CFAP73: variants seen among roughly 807,000 people sequenced by gnomAD.
The protein encoded by CFAP73 is cilia and flagella associated protein 73, also known as cilia- and flagella-associated protein 73.
In CFAP73, 33 loss-of-function variants were observed where a neutral mutation model predicts 42.9. The observed-to-expected ratio is 0.77, with a 90% confidence interval of 0.58 to 1.03. The LOEUF is 1.03. Among genes scored for constraint, CFAP73 ranks in the 50% least tolerant of loss-of-function variants. The pLI is 0.00. For synonymous variants in CFAP73, 162 were observed against 186.8 expected, an observed-to-expected ratio of 0.87 and a Z score of 1.08; for missense variants, 392 against 411.9, an observed-to-expected ratio of 0.95 and a Z score of 0.42.
chr12:113,156,251 G>A (rs1952124550), intron 6 of CFAP73, among the ~76,000 whole-genome samples: 1 of 151,992 alleles, frequency 6.6e-6, no homozygotes, highest in Admixed American at 6.6e-5. Flanking sequence ...GAAGATTTCA[G>A]ACTTCAAACA....
Position 113,158,982 on chromosome 12 carries a change from G to T in CFAP73, c.*293G>T, listed in dbSNP as rs1278041673. ...GGCGGTTGCGGGCAGAGAGCTGCTTGAGGCCACCACGCTGCAGGAAGTGCA... is the reference window on the plus strand; with the variant it reads ...GGCGGTTGCGGGCAGAGAGCTGCTTTAGGCCACCACGCTGCAGGAAGTGCA... On this transcript the variant is annotated 3_prime_UTR_variant, in exon 8 of 8. Transcript: ENST00000335621. The surrounding 1 kb of genome is among the most constrained non-coding windows in gnomAD (Gnocchi z 4.9). 6.2e-7 allele frequency: 1 copy of T among 1,611,262 alleles called. No individual in the cohort carries two copies. The highest frequency in any genetic ancestry group is 1.3e-5 in the African/African-American group (1 of 74,912).
At chr12:113,156,626 C>T (rs1262477726) in intron 6 of CFAP73, 1 of 152,088 alleles carries the variant, frequency 6.6e-6, no homozygotes, top group African/African-American at 2.4e-5. Flanking sequence ...GATCTGGGTC[C>T]TGGGAATCCG....
rs767334221 is a variant in CFAP73 at position 113,158,911 on chromosome 12, C to A, written c.*222C>A. 1.9e-6 allele frequency: 3 copies of A among 1,607,144 alleles called. No individual in the cohort carries two copies. The highest frequency in any genetic ancestry group is 1.7e-5 in the Admixed American group (1 of 59,704). On this transcript the variant is annotated 3_prime_UTR_variant, in exon 8 of 8. Coordinates refer to ENST00000335621, the MANE Select transcript of CFAP73 (RefSeq NM_001144872.3). This position sits in a 1 kb window ranked among gnomAD's most constrained non-coding sequence, Gnocchi z 4.9. ...CTTCCGCATCTTGCCCTTCTTGGAG[C>A]GGGCACCCCGGCCGAAGGCGCCCTG...
Position 113,159,232 on chromosome 12 carries a change from G to C in CFAP73, c.*543G>C. 1.8e-6 allele frequency: 2 copies of C among 1,102,520 alleles called. No individual in the cohort carries two copies. The highest frequency in any genetic ancestry group is 1.6e-5 in the South Asian group (1 of 62,708). 68.3% of individuals were successfully genotyped at this position (1,102,520 alleles called of 1,614,324 possible). A position where few individuals can be genotyped will look rare whatever the true frequency, so the allele number is the denominator to read the frequency against. ...GTTCTGTGCTTATTGCTGTGGCCCA[G>C]TGTCTGTACACAGTAGGTGGCTAAT... On this transcript the variant is annotated 3_prime_UTR_variant, in exon 8 of 8. Coordinates refer to ENST00000335621, the MANE Select transcript of CFAP73 (RefSeq NM_001144872.3).
chr12:113,152,083 T>C, intron 2 of CFAP73, 60 bp downstream of exon 2: 1 of 1,214,642 alleles, frequency 8.2e-7, no homozygotes, highest in South Asian at 1.3e-5. Flanking sequence ...ATGGAGCCAA[T>C]TTATTAGTGA....
chr12:113,153,238 C>T lies in CFAP73; in HGVS notation c.298C>T (p.Arg100Trp). Reference sequence around the variant, plus strand: ...CGAGGCCCGGCGCAATCGCGCGCTGCGGAGGGCGGCGGAGGAGAGGCACCA... The same window carrying T: ...CGAGGCCCGGCGCAATCGCGCGCTGTGGAGGGCGGCGGAGGAGAGGCACCA... ...DSEARRNRAL[R>W]RAAEERHQAG... Residue 100 changes from arginine (R) to tryptophan (W), a missense_variant, in exon 4 of 8, where the codon CGG becomes TGG. Transcript: ENST00000335621. The T allele has an allele frequency of 6.6e-7, 1 of 1,518,846 alleles. No individual in the cohort carries two copies. 94.1% of individuals were successfully genotyped at this position (1,518,846 alleles called of 1,614,324 possible). A position where few individuals can be genotyped will look rare whatever the true frequency, so the allele number is the denominator to read the frequency against.
At position 113,156,497 on chromosome 12, in the gene CFAP73, C is replaced by T. The variant is rs956359877; in HGVS notation, c.849+1079C>T. ...GTGTCTGAGGAGTTTTGTGTTAATC[C>T]GGTGTCTGAGGAGTTTTGTCTGCGG... On this transcript the variant is annotated intron_variant, in intron 6 of 7. Transcript: ENST00000335621. Among the ~76,000 whole-genome samples, 12 of 151,716 alleles carry T rather than the reference C, an allele frequency of 7.9e-5. No individual in the cohort carries two copies. In the South Asian group the frequency reaches 1.7e-3, roughly 21 times the overall value.
At position 113,149,747 on chromosome 12, in the gene CFAP73, T is replaced by C. The variant is rs1952045807; in HGVS notation, c.-111T>C. ...CCAGAGCCTGCTGGTGGCTGCCTTC[T>C]GGGCCGAGCTGAGCAGGCTTCCACA... On this transcript the variant is annotated 5_prime_UTR_variant, in exon 1 of 8. Coordinates refer to ENST00000335621, the MANE Select transcript of CFAP73 (RefSeq NM_001144872.3). The C allele has an allele frequency of 8.9e-7, 1 of 1,117,808 alleles. No individual in the cohort carries two copies. Among genetic ancestry groups the C allele is most frequent in the Non-Finnish European group, 1.3e-6 (1 of 770,910 alleles). 69.2% of individuals were successfully genotyped at this position (1,117,808 alleles called of 1,614,324 possible).
intron 3 of CFAP73, 104 bp downstream of exon 3, chr12:113,152,991 G>A: frequency 1.1e-6 from 1 of 907,428 alleles, no homozygotes; most frequent in Non-Finnish European, 1.7e-6. Context: ...TTTTCGTCAT[G>A]CAAAAGGAAA....
rs780478325 is a variant in CFAP73, at chr12:113,158,873, G to T, written c.*184G>T. On this transcript the variant is annotated 3_prime_UTR_variant, in exon 8 of 8. Coordinates refer to ENST00000335621, the MANE Select transcript of CFAP73 (RefSeq NM_001144872.3). This position sits in a 1 kb window ranked among gnomAD's most constrained non-coding sequence, Gnocchi z 4.9. Reference sequence around the variant, plus strand: ...CAAGGAGCCACGGGGCTGGGTCCTGGTCCTCACATCCTCTTCCGCATCTTG... The same window carrying T: ...CAAGGAGCCACGGGGCTGGGTCCTGTTCCTCACATCCTCTTCCGCATCTTG... 2 of 1,592,064 alleles carry T rather than the reference G, an allele frequency of 1.3e-6. No individual in the cohort carries two copies. Among genetic ancestry groups the T allele is most frequent in the Admixed American group, 3.4e-5 (2 of 58,992 alleles).
chr12:113,155,477 A>G, intron 6 of CFAP73, 59 bp downstream of exon 6: 1 of 1,480,000 alleles, frequency 6.8e-7, no homozygotes, highest in Non-Finnish European at 9.1e-7. Context: ...TGGAAAAATG[A>G]GCCTAAAACC....
Position 113,159,143 on chromosome 12 carries a change from T to A in CFAP73, c.*454T>A. The A allele has an allele frequency of 6.4e-7, 1 of 1,551,192 alleles. No homozygotes were observed. Among genetic ancestry groups the A allele is most frequent in the Non-Finnish European group, 8.7e-7 (1 of 1,149,952 alleles). On this transcript the variant is annotated 3_prime_UTR_variant, in exon 8 of 8. Coordinates refer to ENST00000335621, the MANE Select transcript of CFAP73 (RefSeq NM_001144872.3). ...ACAGGGATTCAGGGAGCTCAGCTGT[T>A]GGGATCACTCCCAAGATCCCCTCCT...
rs948163440 is a variant in CFAP73, at chr12:113,154,654, G to C, written c.690+19G>C. On this transcript the variant is annotated intron_variant, in intron 5 of 7. Transcript: ENST00000335621. This position sits in a 1 kb window ranked among gnomAD's most constrained non-coding sequence, Gnocchi z 4.7. ...GCAGTGGGTACGACCCGCCCTAGGT[G>C]GGGGGCGCTCCGGACCCCAGGCTTC... 7 of 1,384,110 alleles carry C rather than the reference G, an allele frequency of 5.1e-6. No homozygotes were observed. The highest frequency in any genetic ancestry group is 1.7e-5 in the South Asian group (1 of 59,880). The allele number at this position is 1,384,110 out of a possible 1,614,324, so 85.7% of individuals were successfully genotyped here. A position where few individuals can be genotyped will look rare whatever the true frequency, so the allele number is the denominator to read the frequency against.
intron 6 of CFAP73, chr12:113,156,786 T>C (rs1446295955): frequency 6.6e-6 from 1 of 152,160 alleles, no homozygotes; most frequent in Non-Finnish European, 1.5e-5. Context: ...ACTGGAGTAG[T>C]GGAAATTAAG....
rs1040925449 is a variant in CFAP73 at position 113,158,220 on chromosome 12, G to C, written c.*12-481G>C. The C allele has an allele frequency of 2.6e-5, 4 of 155,116 alleles. No homozygotes were observed. Among genetic ancestry groups the C allele is most frequent in the African/African-American group, 9.6e-5 (4 of 41,628 alleles). The allele number at this position is 155,116 out of a possible 1,614,324, so 9.6% of individuals were successfully genotyped here. ...TTAACCTCTTCATAGCCAGAGGGGA[G>C]CAGCTGTGTCCTTGCCCCCTGGGCT... On this transcript the variant is annotated intron_variant, in intron 7 of 7. Transcript: ENST00000335621. This position sits in a 1 kb window ranked among gnomAD's most constrained non-coding sequence, Gnocchi z 4.9.
At chr12:113,155,481 T>A in intron 6 of CFAP73, 63 bp downstream of exon 6, 1 of 1,470,058 alleles carries the variant, frequency 6.8e-7, no homozygotes, top group Non-Finnish European at 9.1e-7. Flanking sequence ...AAAATGAGCC[T>A]AAAACCCCAC....
chr12:113,153,654 G>A (rs1368999124), intron 4 of CFAP73, among the ~76,000 whole-genome samples: 1 of 152,126 alleles, frequency 6.6e-6, no homozygotes, highest in Non-Finnish European at 1.5e-5. Context: ...GTGCATTGGC[G>A]CGATCACGGC....
In CFAP73 at chr12:113,158,825, C is replaced by T; in HGVS notation, c.*136C>T. On this transcript the variant is annotated 3_prime_UTR_variant, in exon 8 of 8. Transcript: ENST00000335621. The surrounding 1 kb of genome is among the most constrained non-coding windows in gnomAD (Gnocchi z 4.9). ...ACACAGTGGTGCACGGGAACGTCTG[C>T]TGATGCCCACCCTAAGGCCAATCAA... is the stretch of plus-strand genomic sequence containing the variant. 1 of 1,527,752 alleles carries T rather than the reference C, an allele frequency of 6.5e-7. No homozygotes were observed. Among genetic ancestry groups the T allele is most frequent in the Admixed American group, 1.9e-5 (1 of 51,888 alleles). 94.6% of individuals were successfully genotyped at this position (1,527,752 alleles called of 1,614,324 possible).
At position 113,158,806 on chromosome 12, in the gene CFAP73, T is replaced by G; in HGVS notation, c.*117T>G. 6.8e-7 allele frequency: 1 copy of G among 1,471,630 alleles called. No homozygotes were observed. Among genetic ancestry groups the G allele is most frequent in the South Asian group, 1.4e-5 (1 of 74,060 alleles). The allele number at this position is 1,471,630 out of a possible 1,614,324, so 91.2% of individuals were successfully genotyped here. A position where few individuals can be genotyped will look rare whatever the true frequency, so the allele number is the denominator to read the frequency against. On this transcript the variant is annotated 3_prime_UTR_variant, in exon 8 of 8. Transcript: ENST00000335621. This position sits in a 1 kb window ranked among gnomAD's most constrained non-coding sequence, Gnocchi z 4.9. ...GCCCAGCACAGGGCCAGGCACACAG[T>G]GGTGCACGGGAACGTCTGCTGATGC...
Sources: gnomAD v4.1 joint callset for allele counts (sites outside exome capture counted in the v4.1 genomes callset) on GRCh38, gnomAD v4.1.1 for gene constraint, Gnocchi (gnomAD v3.1) non-coding constraint, MANE v1.5 for transcripts, NCBI Gene and HGNC (gene_info 2026-07-23, HGNC 2026-07-21) for gene names.